The following DISC1 variants were observed in gnomAD, a reference collection of about 807,000 sequenced individuals.
DISC1 encodes disrupted in schizophrenia 1 protein.
In DISC1, 57 loss-of-function variants were observed where a neutral mutation model predicts 84.5. That is an observed-to-expected ratio of 0.67 (90% CI 0.55 to 0.84). DISC1 has a LOEUF of 0.84. DISC1 is among the 40% of genes least tolerant of loss of function. The probability of loss-of-function intolerance (pLI) is 0.00; values close to 1 mark genes in which losing one functional copy is unlikely to be tolerated. For synonymous variants in DISC1, 411 were observed against 415.2 expected, an observed-to-expected ratio of 0.99 and a Z score of 0.12; for missense variants, 1,000 against 1,057.8, an observed-to-expected ratio of 0.95 and a Z score of 0.76.
At chr1:231,660,695 T>G (rs1345621889) in intron 1 of DISC1, among the ~76,000 whole-genome samples, 3 of 152,140 alleles carry the variant, frequency 2.0e-5, no homozygotes, top group Non-Finnish European at 4.4e-5. Context: ...CCTCAGGTGA[T>G]TTGCCTGCCT....
chr1:231,890,517 T>C (rs549372704), intron 9 of DISC1, among the ~76,000 whole-genome samples: 2 of 152,344 alleles, frequency 1.3e-5, no homozygotes, highest in East Asian at 3.9e-4. Context: ...ATAGCTAGAA[T>C]AGTCAAATAC....
At chr1:231,839,767 A>G (rs1304866545) in intron 9 of DISC1, among the ~76,000 whole-genome samples, 1 of 152,222 alleles carries the variant, frequency 6.6e-6, no homozygotes, top group Non-Finnish European at 1.5e-5. Flanking sequence ...GCAAGGCCTC[A>G]GGAAGCTTAC....
chr1:231,774,070 T>G (rs1025554732), intron 6 of DISC1, among the ~76,000 whole-genome samples: 1 of 151,574 alleles, frequency 6.6e-6, no homozygotes, highest in Non-Finnish European at 1.5e-5. Flanking sequence ...TGACACCTAA[T>G]CTCTACAAAA....
At chr1:231,772,223 T>A (rs1483184371) in intron 6 of DISC1, among the ~76,000 whole-genome samples, 7 of 152,200 alleles carry the variant, frequency 4.6e-5, no homozygotes, top group African/African-American at 9.7e-5. Flanking sequence ...CCTGAAGTGC[T>A]GGGATTACAG....
intron 1 of DISC1, among the ~76,000 whole-genome samples, chr1:231,672,394 A>T (rs1288103872): frequency 2.0e-5 from 3 of 152,090 alleles, no homozygotes; most frequent in African/African-American, 7.2e-5. Context: ...ATCTTTTTCA[A>T]TCTGAAGATC....
intron 1 of DISC1, among the ~76,000 whole-genome samples, chr1:231,667,657 T>A (rs1406110388): frequency 6.6e-6 from 1 of 152,200 alleles, no homozygotes; most frequent in Non-Finnish European, 1.5e-5. Flanking sequence ...ATTGTTGGTG[T>A]TGGAAAGGGC....
intron 10 of DISC1, among the ~76,000 whole-genome samples, chr1:231,975,032 A>G (rs1238051589): frequency 6.6e-6 from 1 of 152,142 alleles, no homozygotes. Context: ...CCTGGGAGGC[A>G]AGGTTGCAGT....
chr1:231,713,794 GATATAT>G (rs961761839), intron 3 of DISC1, among the ~76,000 whole-genome samples: 1 of 134,978 alleles, frequency 7.4e-6, no homozygotes, highest in African/African-American at 2.8e-5. Flanking sequence ...ATATATAGGA[GATATAT>G]ATATATAGGA....
chr1:231,713,292 T>G (rs578146587), intron 3 of DISC1, among the ~76,000 whole-genome samples: 1 of 152,022 alleles, frequency 6.6e-6, no homozygotes, highest in African/African-American at 2.4e-5. Flanking sequence ...AGAGGCAAAA[T>G]AAGTGGACAG....
At chr1:231,711,368 T>C (rs900084256) in intron 3 of DISC1, among the ~76,000 whole-genome samples, 1 of 148,436 alleles carries the variant, frequency 6.7e-6, no homozygotes, top group African/African-American at 2.5e-5. Context: ...TTTTTTTTTT[T>C]TTTTTTTTTT....
intron 6 of DISC1, among the ~76,000 whole-genome samples, chr1:231,778,739 A>T (rs778282641): frequency 1.3e-5 from 2 of 152,198 alleles, no homozygotes; most frequent in Admixed American, 1.3e-4. Flanking sequence ...CTGGGTACAG[A>T]TGCTGCTCAC....
chr1:231,730,647 T>C (rs1196845620), intron 3 of DISC1, among the ~76,000 whole-genome samples: 1 of 152,250 alleles, frequency 6.6e-6, no homozygotes, highest in Non-Finnish European at 1.5e-5. Flanking sequence ...AGTTGGATGA[T>C]AGCTTGCCAG....
intron 10 of DISC1, among the ~76,000 whole-genome samples, chr1:231,976,886 C>G (rs192088746): frequency 6.0e-4 from 91 of 152,272 alleles, no homozygotes; most frequent in Non-Finnish European, 9.3e-4. Flanking sequence ...TAACCTTCAT[C>G]AAGATATCTG....
At chr1:231,814,937 AAATAATAATAATAATAATAATAAT>A in intron 8 of DISC1, 1 of 141,442 alleles carries the variant, frequency 7.1e-6, no homozygotes, top group African/African-American at 2.6e-5. Context: ...TTAAAATGTA[AAATAATAATAATAATAATAATAAT>A]AATAATAATA....
chr1:231,714,710 G>A (rs1558404136), intron 3 of DISC1, among the ~76,000 whole-genome samples: 1 of 151,632 alleles, frequency 6.6e-6, no homozygotes, highest in Non-Finnish European at 1.5e-5. Flanking sequence ...TAGGGATTGA[G>A]AGAGAGAGAA....
chr1:231,937,868 A>G (rs1251125875), intron 9 of DISC1, among the ~76,000 whole-genome samples: 2 of 150,722 alleles, frequency 1.3e-5, no homozygotes, highest in Non-Finnish European at 3.0e-5. Flanking sequence ...TTTTTTTTTA[A>G]TTGCAAATCC....
chr1:231,999,813 A>AAC (rs1666426474), intron 10 of DISC1, among the ~76,000 whole-genome samples: 1 of 150,560 alleles, frequency 6.6e-6, no homozygotes, highest in African/African-American at 2.4e-5. Context: ...TCAAGCAGAA[A>AAC]AACAACAACA....
At chr1:231,637,344 G>C (rs2059287048) in intron 1 of DISC1, among the ~76,000 whole-genome samples, 1 of 152,180 alleles carries the variant, frequency 6.6e-6, no homozygotes. Flanking sequence ...TCGGTCAAAT[G>C]ATTAGTTTTT....
chr1:231,738,050 A>G (rs1451941256), intron 3 of DISC1, among the ~76,000 whole-genome samples: 2 of 151,866 alleles, frequency 1.3e-5, no homozygotes, highest in East Asian at 2.0e-4. Flanking sequence ...GGGTTTTGCC[A>G]TGTTCCCAGG....
Sources: allele counts gnomAD v4.1 joint callset (sites outside exome capture counted in the v4.1 genomes callset), GRCh38; gene constraint gnomAD v4.1.1; transcripts MANE v1.5; gene names NCBI Gene and HGNC (gene_info 2026-07-23, HGNC 2026-07-21).